Variants in NNT observed in about 807,000 individuals in gnomAD.
NNT encodes nicotinamide nucleotide transhydrogenase, also known as NAD(P) transhydrogenase, mitochondrial.
Under a neutral mutation model 104.8 loss-of-function variants are expected in NNT, and 50 were observed. That is an observed-to-expected ratio of 0.48 (90% CI 0.38 to 0.60). NNT has a LOEUF of 0.60. Ranked by LOEUF, NNT falls within the 20% of genes least tolerant of loss-of-function variation. The probability of loss-of-function intolerance (pLI) is 0.00; values close to 1 mark genes in which losing one functional copy is unlikely to be tolerated. For missense variants in NNT, 1,131 were observed against 1,330.7 expected (o/e 0.85, Z 2.33); for synonymous variants, 461 against 490.4 (o/e 0.94, Z 0.79).
chr5:43,610,556 T>C (rs369211562), intron 2 of NNT, among the ~76,000 whole-genome samples: 13 of 152,200 alleles, frequency 8.5e-5, no homozygotes, highest in African/African-American at 3.1e-4. Context: ...AATGCCCTCT[T>C]TTGTTTTTTA....
In NNT at chr5:43,619,089, C is replaced by T; in HGVS notation, c.657C>T (p.Ile219=). The part of the protein sequence containing the change: ...NHFGRFFTGQ[I]TAAGKVPPAK... ...TTGGACGTTTTTTTACTGGTCAGAT[C>T]ACAGCTGCTGGAAAAGTTCCTCCAG... The change falls in exon 5 of 22, where the codon ATC becomes ATT. Residue 219 remains isoleucine (I), a synonymous_variant. Transcript: ENST00000344920. 6.4e-7 allele frequency: 1 copy of T among 1,553,576 alleles called. No homozygotes were observed. Among genetic ancestry groups the T allele is most frequent in the Non-Finnish European group, 8.7e-7 (1 of 1,147,884 alleles).
chr5:43,634,752 T>G (rs1205301208), intron 7 of NNT, among the ~76,000 whole-genome samples: 5 of 152,222 alleles, frequency 3.3e-5, no homozygotes, highest in Non-Finnish European at 5.9e-5. Flanking sequence ...TCAATGCAGA[T>G]AGAGCAACTT....
chr5:43,658,846 A>G (rs556472064), intron 16 of NNT, among the ~76,000 whole-genome samples: 8 of 152,328 alleles, frequency 5.3e-5, no homozygotes, highest in Non-Finnish European at 1.2e-4. Context: ...CCTCAGTCTA[A>G]AGCCATAAAA....
At chr5:43,644,129 A>G in intron 7 of NNT, 63 bp from the exon 8 acceptor site, 2 of 1,459,162 alleles carry the variant, frequency 1.4e-6, no homozygotes, top group African/African-American at 1.4e-5. Flanking sequence ...TACTGTAATA[A>G]TTAGACTTTA....
Position 43,645,340 on chromosome 5 carries a change from T to C in NNT, c.1291-17T>C, listed in dbSNP as rs770711549. On this transcript the variant is annotated splice_polypyrimidine_tract_variant and intron_variant, in intron 9 of 21. Coordinates refer to ENST00000344920, the MANE Select transcript of NNT (RefSeq NM_182977.3). ...GGATTGACTTTTTAATACGTACTAT[T>C]TTTTAATGTCTATTAGGATGGTAAA... 2.8e-6 allele frequency: 4 copies of C among 1,427,890 alleles called. No individual in the cohort carries two copies. Among genetic ancestry groups the C allele is most frequent in the South Asian group, 1.8e-5 (1 of 56,468 alleles). 88.5% of individuals were successfully genotyped at this position (1,427,890 alleles called of 1,614,324 possible). A position where few individuals can be genotyped will look rare whatever the true frequency, so the allele number is the denominator to read the frequency against.
chr5:43,651,953 A>C, intron 13 of NNT, 69 bp downstream of exon 13: 1 of 1,487,830 alleles, frequency 6.7e-7, no homozygotes, highest in Non-Finnish European at 9.3e-7. Flanking sequence ...TAACATTGTT[A>C]GTTATCCTAA....
chr5:43,692,398 A>C (rs1295027798), intron 19 of NNT, among the ~76,000 whole-genome samples: 1 of 152,064 alleles, frequency 6.6e-6, no homozygotes, highest in Non-Finnish European at 1.5e-5. Context: ...ATCCCAGCTC[A>C]CTGCCACCTC....
Position 43,667,276 on chromosome 5 carries a change from T to C in NNT, c.2634+7926T>C, listed in dbSNP as rs184879596. The C allele has an allele frequency of 4.4e-4, 309 of 710,268 alleles. 1 individual carries two copies. In the African/African-American group the frequency reaches 5.1e-3, roughly 12 times the overall value. 44.0% of individuals were successfully genotyped at this position (710,268 alleles called of 1,614,324 possible). On this transcript the variant is annotated intron_variant, in intron 17 of 21. Coordinates refer to ENST00000344920, the MANE Select transcript of NNT (RefSeq NM_182977.3). ...CGGTCCCGAAGTGCCTAGAACCCTATTTTTTATTATTATACTTTAAGTTCT... is the reference window on the plus strand; with the variant it reads ...CGGTCCCGAAGTGCCTAGAACCCTACTTTTTATTATTATACTTTAAGTTCT...
intron 7 of NNT, among the ~76,000 whole-genome samples, chr5:43,631,245 C>T (rs1750662137): frequency 6.6e-6 from 1 of 152,102 alleles, no homozygotes. Context: ...TGGTTGGTTT[C>T]TGGAGGTGCA....
At chr5:43,693,729 T>C (rs1742409964) in intron 19 of NNT, among the ~76,000 whole-genome samples, 1 of 152,192 alleles carries the variant, frequency 6.6e-6, no homozygotes, top group Admixed American at 6.5e-5. Flanking sequence ...AACTTAAGTG[T>C]TGAACTAGCT....
chr5:43,687,825 G>A (rs566534884), intron 19 of NNT, among the ~76,000 whole-genome samples: 1 of 152,238 alleles, frequency 6.6e-6, no homozygotes, highest in Admixed American at 6.5e-5. Flanking sequence ...ATCAAAATGA[G>A]AACAAATATA....
In NNT at chr5:43,609,241, C is replaced by T. The variant is rs10057103; in HGVS notation, c.46C>T (p.Leu16=). 0.56 allele frequency: 905,650 copies of T among 1,613,168 alleles called. 263,409 individuals are homozygous for T. The highest frequency in any genetic ancestry group is 0.89 in the African/African-American group (67,003 of 74,966). The change falls in exon 2 of 22, where the codon CTA becomes TTA. Residue 16 remains leucine, a synonymous_variant. Transcript: ENST00000344920. ...AGTGGTGACTGGCTGCTCGTGTCCTCTACTTAGCAATTTGGGGTCCTGTAA... is the reference window on the plus strand; with the variant it reads ...AGTGGTGACTGGCTGCTCGTGTCCTTTACTTAGCAATTTGGGGTCCTGTAA... The part of the protein sequence containing the change: ...KTVVTGCSCP[L]LSNLGSCKGL...
At chr5:43,672,945 C>T (rs1004887665) in intron 17 of NNT, among the ~76,000 whole-genome samples, 1 of 152,248 alleles carries the variant, frequency 6.6e-6, no homozygotes, top group Non-Finnish European at 1.5e-5. Context: ...GTTCGAGCTT[C>T]CCAGCTGCTT....
At chr5:43,682,194 T>C (rs1330227498) in intron 19 of NNT, among the ~76,000 whole-genome samples, 4 of 149,898 alleles carry the variant, frequency 2.7e-5, no homozygotes, top group African/African-American at 9.8e-5. Flanking sequence ...TCCATCTAAC[T>C]GTCTAACTGG....
intron 10 of NNT, 36 bp from the exon 11 acceptor site, chr5:43,649,111 G>A: frequency 6.2e-7 from 1 of 1,609,036 alleles, no homozygotes; most frequent in Non-Finnish European, 8.5e-7. Context: ...ATAACTGGAT[G>A]TCAGCTCAAA....
intron 17 of NNT, among the ~76,000 whole-genome samples, chr5:43,665,402 CCTGGGTA>C (rs1740587527): frequency 6.6e-6 from 1 of 151,718 alleles, no homozygotes; most frequent in Non-Finnish European, 1.5e-5. Context: ...TGTTTGTGTC[CCTGGGTA>C]CTTGAGATTA....
chr5:43,661,643 G>A (rs1480906585), intron 17 of NNT, among the ~76,000 whole-genome samples: 1 of 139,880 alleles, frequency 7.1e-6, no homozygotes, highest in Non-Finnish European at 1.5e-5. Context: ...TCCCACCTAT[G>A]AGTGAGAACA....
intron 17 of NNT, among the ~76,000 whole-genome samples, chr5:43,668,028 A>C (rs544162071): frequency 1.8e-4 from 27 of 152,348 alleles, no homozygotes; most frequent in Non-Finnish European, 3.5e-4. Flanking sequence ...AGTGATGATG[A>C]ACATTTTTTC....
intron 19 of NNT, among the ~76,000 whole-genome samples, chr5:43,681,649 C>T (rs909609989): frequency 1.3e-5 from 2 of 152,188 alleles, no homozygotes; most frequent in African/African-American, 4.8e-5. Flanking sequence ...AACTGCTTGC[C>T]TCAGCCTCCC....
Sources: gnomAD v4.1 joint callset for allele counts (sites outside exome capture counted in the v4.1 genomes callset) on GRCh38, gnomAD v4.1.1 for gene constraint, MANE v1.5 for transcripts, NCBI Gene and HGNC (gene_info 2026-07-23, HGNC 2026-07-21) for gene names.